GRAP2: variants seen among roughly 807,000 people sequenced by gnomAD.
GRAP2 encodes GRB2 related adaptor protein 2.
GRAP2 carries 31 observed loss-of-function variants against 43.5 expected under a neutral mutation model. The observed-to-expected ratio is 0.71, with a 90% CI of 0.54 to 0.96. The LOEUF is 0.96. Among genes scored for constraint, GRAP2 ranks in the 40% least tolerant of loss-of-function variants. GRAP2 has a pLI of 0.00. For synonymous variants in GRAP2, 156 were observed against 164.8 expected (o/e 0.95, Z 0.41); for missense variants, 371 against 424.4 (o/e 0.87, Z 1.11).
At chr22:39,935,667 T>C (rs1229885878) in intron 1 of GRAP2, among the ~76,000 whole-genome samples, 2 of 152,196 alleles carry the variant, frequency 1.3e-5, no homozygotes, top group Admixed American at 6.5e-5. Context: ...AGCTTCTCTA[T>C]GGATAGATGA....
At chr22:39,940,617 T>C (rs908587160) in intron 1 of GRAP2, among the ~76,000 whole-genome samples, 3 of 151,990 alleles carry the variant, frequency 2.0e-5, no homozygotes, top group Non-Finnish European at 2.9e-5. Context: ...AGATGTAAGA[T>C]GCAGAGCAAA....
chr22:39,923,228 C>A (rs1037892153), intron 1 of GRAP2, among the ~76,000 whole-genome samples: 17 of 152,082 alleles, frequency 1.1e-4, no homozygotes, highest in African/African-American at 3.9e-4. Flanking sequence ...TATAGATTGG[C>A]ACAAATCCAT....
intron 1 of GRAP2, among the ~76,000 whole-genome samples, chr22:39,910,643 G>A (rs556728183): frequency 6.6e-6 from 1 of 151,560 alleles, no homozygotes; most frequent in South Asian, 2.1e-4. Flanking sequence ...TCCTGACATT[G>A]TGATCCGCCT....
chr22:39,937,318 T>A (rs1228300570), intron 1 of GRAP2, among the ~76,000 whole-genome samples: 1 of 152,118 alleles, frequency 6.6e-6, no homozygotes, highest in Admixed American at 6.5e-5. Flanking sequence ...TGTAGAAGCC[T>A]GGTCAGTTTT....
In GRAP2 at chr22:39,910,113, G is replaced by A. The variant is rs147503465; in HGVS notation, c.-15+8783G>A. ...CACTCCTCCTATGAGGCAGTTTTGCGTGCTGCCATTATTTTAAGCACCCGC... is the reference window on the plus strand; with the variant it reads ...CACTCCTCCTATGAGGCAGTTTTGCATGCTGCCATTATTTTAAGCACCCGC... On this transcript the variant is annotated intron_variant, in intron 1 of 7. Coordinates refer to ENST00000344138, the MANE Select transcript of GRAP2 (RefSeq NM_004810.4). 4.5e-4 allele frequency among the ~76,000 whole-genome samples: 69 copies of A among 152,162 alleles called. 1 individual carries two copies. The highest frequency in any genetic ancestry group is 1.2e-3 in the African/African-American group (50 of 41,506).
At chr22:39,968,679 C>A in intron 6 of GRAP2, 1 of 201,012 alleles carries the variant, frequency 5.0e-6, no homozygotes, top group Non-Finnish European at 1.0e-5. Flanking sequence ...TTATCTCCCT[C>A]CACCCTTGTT....
intron 1 of GRAP2, among the ~76,000 whole-genome samples, chr22:39,930,467 A>G (rs2066745452): frequency 6.6e-6 from 1 of 152,210 alleles, no homozygotes; most frequent in African/African-American, 2.4e-5. Flanking sequence ...GCTTTAAATG[A>G]GATAATGTGT....
At chr22:39,911,713 C>G (rs186405627) in intron 1 of GRAP2, among the ~76,000 whole-genome samples, 2 of 152,004 alleles carry the variant, frequency 1.3e-5, no homozygotes, top group African/African-American at 4.8e-5. Flanking sequence ...TCTTGTGACC[C>G]TATAATTATT....
chr22:39,897,040 C>G (rs1601679665), upstream of GRAP2, among the ~76,000 whole-genome samples: 1 of 152,172 alleles, frequency 6.6e-6, no homozygotes, highest in Non-Finnish European at 1.5e-5. Flanking sequence ...TATATTCACT[C>G]CACAGGTAGT....
intron 2 of GRAP2, among the ~76,000 whole-genome samples, chr22:39,952,479 T>G (rs1166956306): frequency 6.6e-6 from 1 of 152,062 alleles, no homozygotes; most frequent in African/African-American, 2.4e-5. Flanking sequence ...ATGGATGGAG[T>G]GCAGTGTGCT....
chr22:39,938,745 G>A (rs1045499114), intron 1 of GRAP2, among the ~76,000 whole-genome samples: 1 of 152,218 alleles, frequency 6.6e-6, no homozygotes, highest in Non-Finnish European at 1.5e-5. Context: ...TCTGTTGGCG[G>A]CTTTCAGAAA....
intron 1 of GRAP2, among the ~76,000 whole-genome samples, chr22:39,908,231 T>A (rs1024878938): frequency 1.3e-5 from 2 of 152,232 alleles, no homozygotes; most frequent in Non-Finnish European, 2.9e-5. Context: ...CCCTTCCCTG[T>A]AGGGCATAAG....
At chr22:39,968,491 A>C in intron 6 of GRAP2, 1 of 570,500 alleles carries the variant, frequency 1.8e-6, no homozygotes, top group Non-Finnish European at 3.1e-6. Context: ...TGTCTCACAC[A>C]CACACACACA....
intron 3 of GRAP2, 128 bp from the exon 4 acceptor site, chr22:39,959,926 TG>T: frequency 1.3e-6 from 1 of 772,886 alleles, no homozygotes; most frequent in Non-Finnish European, 2.2e-6. Context: ...AAACAGCACC[TG>T]GTCTCTCTCT....
chr22:39,943,488 G>A (rs1377311202), intron 1 of GRAP2, among the ~76,000 whole-genome samples: 3 of 152,082 alleles, frequency 2.0e-5, no homozygotes, highest in Non-Finnish European at 2.9e-5. Flanking sequence ...CAGAGGGCTG[G>A]TGAGAAGCAG....
At chr22:39,936,532 C>T (rs192961604) in intron 1 of GRAP2, among the ~76,000 whole-genome samples, 39 of 152,054 alleles carry the variant, frequency 2.6e-4, no homozygotes, top group East Asian at 7.7e-4. Context: ...TGGAAGTATG[C>T]GAGATACACT....
chr22:39,967,302 C>T (rs2067184611), intron 5 of GRAP2, among the ~76,000 whole-genome samples: 1 of 152,136 alleles, frequency 6.6e-6, no homozygotes, highest in African/African-American at 2.4e-5. Flanking sequence ...CCTTGTGAAT[C>T]ACTCTAACCA....
chr22:39,964,527 G>A (rs1017057170), intron 4 of GRAP2: 24 of 886,386 alleles, frequency 2.7e-5, no homozygotes, highest in Middle Eastern at 6.5e-4. Flanking sequence ...TGGGGAAGGG[G>A]CCTCTGGCCA....
chr22:39,966,256 C>CT, intron 5 of GRAP2, 98 bp downstream of exon 5: 9 of 851,702 alleles, frequency 1.1e-5, no homozygotes, highest in Non-Finnish European at 1.7e-5. Context: ...GGTAGATCCT[C>CT]TGAGTATACT....
Sources: gnomAD v4.1 joint callset for allele counts (sites outside exome capture counted in the v4.1 genomes callset) on GRCh38, gnomAD v4.1.1 for gene constraint, MANE v1.5 for transcripts, NCBI Gene and HGNC (gene_info 2026-07-23, HGNC 2026-07-21) for gene names.